Variants in CEP350 observed in about 807,000 individuals in gnomAD.
The protein encoded by CEP350 is centrosomal protein 350, also known as centrosome-associated protein 350.
A neutral mutation model predicts 331.8 loss-of-function variants in CEP350; 126 were observed. The observed-to-expected ratio is 0.38, with a 90% CI of 0.33 to 0.44. CEP350 has a LOEUF of 0.44. CEP350 is among the 20% of genes least tolerant of loss of function. The pLI is 1.00. For missense variants in CEP350, 3,406 were observed against 3,634.6 expected, an observed-to-expected ratio of 0.94 and a Z score of 1.62; for synonymous variants, 1,200 against 1,259.5, an observed-to-expected ratio of 0.95 and a Z score of 1.00.
At chr1:179,968,199 T>A (rs1651160409) in intron 1 of CEP350, among the ~76,000 whole-genome samples, 1 of 151,778 alleles carries the variant, frequency 6.6e-6, no homozygotes, top group Admixed American at 6.6e-5. Flanking sequence ...GGCATGATGG[T>A]ATGTGCCTGT....
chr1:180,053,830 G>C lies in CEP350; in HGVS notation c.5070G>C (p.Glu1690Asp). ...AGATGGTTCGACAGTATATGAAAGA[G>C]GAAGAAATGAGGGCAGCTCACCAGT... The part of the protein sequence containing the change: ...TMEMVRQYMK[E>D]EEMRAAHQSS... The change falls in exon 24 of 38, where the codon GAG becomes GAC. Residue 1690 changes from glutamate (E) to aspartate (D), a missense_variant. Around this residue, in one of 5 missense-constraint regions of CEP350, gnomAD observed 104 missense variants for 143.3 expected, o/e 0.73. Coordinates refer to ENST00000367607, the MANE Select transcript of CEP350 (RefSeq NM_014810.5). 1 of 1,611,954 alleles carries C rather than the reference G, an allele frequency of 6.2e-7. No homozygotes were observed.
intron 27 of CEP350, among the ~76,000 whole-genome samples, 169 bp from the exon 28 acceptor site, chr1:180,074,853 G>A (rs951323142): frequency 9.2e-5 from 14 of 152,180 alleles, no homozygotes; most frequent in South Asian, 4.1e-4. Flanking sequence ...TTCTGAACAA[G>A]TTGACTCATG....
chr1:180,040,205 A>G (rs932900856), intron 17 of CEP350, among the ~76,000 whole-genome samples: 3 of 151,478 alleles, frequency 2.0e-5, no homozygotes, highest in African/African-American at 7.3e-5. Context: ...GAAACTCTGG[A>G]CATTTCCAGA....
chr1:180,083,765 A>G (rs1188333051), intron 30 of CEP350, among the ~76,000 whole-genome samples: 1 of 152,146 alleles, frequency 6.6e-6, no homozygotes, highest in Non-Finnish European at 1.5e-5. Context: ...TATAATTTCA[A>G]GTAGTACAAT....
intron 37 of CEP350, among the ~76,000 whole-genome samples, chr1:180,102,649 T>C (rs6657347): frequency 0.59 from 89,020 of 152,004 alleles, 27,341 homozygotes; most frequent in East Asian, 0.72. Context: ...GCATTGTTTC[T>C]GCATCCTTTT....
intron 6 of CEP350, among the ~76,000 whole-genome samples, chr1:179,998,943 A>G (rs1014460615): frequency 6.6e-6 from 1 of 152,090 alleles, no homozygotes; most frequent in Non-Finnish European, 1.5e-5. Context: ...GTCCAATATT[A>G]TAATTAATAA....
intron 36 of CEP350, among the ~76,000 whole-genome samples, chr1:180,097,461 G>A (rs538791781): frequency 4.6e-5 from 7 of 152,354 alleles, no homozygotes; most frequent in Admixed American, 4.6e-4. Context: ...CAGGTAGGGA[G>A]TGATGGAATT....
At chr1:180,083,559 G>C (rs1659690585) in intron 30 of CEP350, among the ~76,000 whole-genome samples, 1 of 152,106 alleles carries the variant, frequency 6.6e-6, no homozygotes, top group East Asian at 1.9e-4. Context: ...ATTTGAAGTG[G>C]TAAAACTCTA....
At chr1:180,102,417 G>A (rs1402045432) in intron 37 of CEP350, among the ~76,000 whole-genome samples, 1 of 152,004 alleles carries the variant, frequency 6.6e-6, no homozygotes, top group Non-Finnish European at 1.5e-5. Context: ...ATTACAGGCG[G>A]GAGCCACCGC....
chr1:180,014,199 C>T lies in CEP350; in HGVS notation c.1746C>T (p.Pro582=), dbSNP rs774723341. 1.2e-6 allele frequency: 2 copies of T among 1,609,954 alleles called. No individual in the cohort carries two copies. Among genetic ancestry groups the T allele is most frequent in the Non-Finnish European group, 8.5e-7 (1 of 1,178,220 alleles). ...ACAAAATAACAGCTAATGAAGATCCCCCTGTTATTTCCAAAAGGCGCCACT... is the reference window on the plus strand; with the variant it reads ...ACAAAATAACAGCTAATGAAGATCCTCCTGTTATTTCCAAAAGGCGCCACT... ...KPDKITANED[P]PVISKRRHYD... Residue 582 remains proline (P), a synonymous_variant, in exon 10 of 38, where the codon CCC becomes CCT. Transcript: ENST00000367607.
intron 7 of CEP350, among the ~76,000 whole-genome samples, chr1:180,003,493 A>G (rs1381007197): frequency 6.6e-6 from 1 of 152,196 alleles, no homozygotes; most frequent in Non-Finnish European, 1.5e-5. Context: ...ATGGTTAATG[A>G]GACAGAAACT....
chr1:180,006,791 T>C (rs1471809386), intron 8 of CEP350, among the ~76,000 whole-genome samples: 1 of 152,166 alleles, frequency 6.6e-6, no homozygotes, highest in Non-Finnish European at 1.5e-5. Flanking sequence ...CGATGTGTGA[T>C]GTTCCCCTTC....
At chr1:179,962,379 TTATC>T (rs1387789455) in intron 1 of CEP350, among the ~76,000 whole-genome samples, 1 of 152,094 alleles carries the variant, frequency 6.6e-6, no homozygotes. Context: ...CACATTTTCT[TTATC>T]TAATCTACTG....
chr1:180,043,948 C>G (rs1656943885), intron 20 of CEP350, 103 bp from the exon 21 acceptor site: 2 of 979,346 alleles, frequency 2.0e-6, no homozygotes, highest in Non-Finnish European at 1.4e-6. Context: ...TTTATAATAT[C>G]TATTTGTTCA....
intron 8 of CEP350, among the ~76,000 whole-genome samples, chr1:180,007,862 G>GTGTT (rs1420035962): frequency 6.6e-6 from 1 of 151,432 alleles, no homozygotes; most frequent in East Asian, 1.9e-4. Flanking sequence ...GTGTGTGTGT[G>GTGTT]TGTGTGTGTG....
At chr1:179,974,579 A>G (rs1380649746) in intron 1 of CEP350, among the ~76,000 whole-genome samples, 1 of 152,150 alleles carries the variant, frequency 6.6e-6, no homozygotes, top group Non-Finnish European at 1.5e-5. Flanking sequence ...CTATTTGTTT[A>G]TGTGTGTCTC....
Position 179,995,223 on chromosome 1 carries a change from A to AC in CEP350, c.396-1329dup, listed in dbSNP as rs77643861. On this transcript the variant is annotated intron_variant, in intron 5 of 37. Transcript: ENST00000367607. ...TAGGTCTGGTTTTATAATTTTCTTG[A>AC]CTTTTTTTTTCATGATTCATGTGCT... 4.5e-3 allele frequency among the ~76,000 whole-genome samples: 683 copies of AC among 151,666 alleles called. 48 individuals carry two copies. In the East Asian group the frequency reaches 0.12, roughly 27 times the overall value.
chr1:180,081,459 C>T (rs1303998303), intron 30 of CEP350, among the ~76,000 whole-genome samples: 3 of 152,132 alleles, frequency 2.0e-5, no homozygotes, highest in African/African-American at 7.2e-5. Context: ...TTCACAATTG[C>T]AAATAATGCT....
In CEP350 at chr1:180,034,050, GAAC is replaced by G. The variant is rs752823292; in HGVS notation, c.3918_3920del (p.Thr1308del). On this transcript the variant is annotated inframe_deletion, in exon 16 of 38. Transcript: ENST00000367607. ...ACTGATCTGAACCCGGCAGCCAGCA[GAAC>G]AACGACAGAGAACATGGCTCCAATA... The G allele has an allele frequency of 7.8e-5, 126 of 1,613,654 alleles. 1 individual carries two copies. Among genetic ancestry groups the G allele is most frequent in the Admixed American group, 4.8e-4 (29 of 59,948 alleles).
Sources: allele counts gnomAD v4.1 joint callset (sites outside exome capture counted in the v4.1 genomes callset), GRCh38; gene constraint gnomAD v4.1.1; regional missense constraint gnomAD v4.1.1; transcripts MANE v1.5; gene names NCBI Gene and HGNC (gene_info 2026-07-23, HGNC 2026-07-21).